Variants in NLGN1 observed in about 807,000 individuals in gnomAD.
NLGN1 encodes neuroligin-1.
NLGN1 carries 12 observed loss-of-function variants against 65.5 expected under a neutral mutation model. The ratio of observed to expected loss-of-function variants is 0.18; its 90% CI spans 0.12 to 0.30. NLGN1 has a LOEUF of 0.30. Ranked by LOEUF, NLGN1 falls within the 10% of genes least tolerant of loss-of-function variation. NLGN1 has a pLI of 1.00. For missense variants in NLGN1, 750 were observed against 1,007.1 expected, an observed-to-expected ratio of 0.74 and a Z score of 3.46; for synonymous variants, 350 against 359.5, an observed-to-expected ratio of 0.97 and a Z score of 0.30.
chr3:174,066,560 CTCTCTG>C (rs1158040785), intron 4 of NLGN1, among the ~76,000 whole-genome samples: 42 of 133,966 alleles, frequency 3.1e-4, no homozygotes, highest in African/African-American at 1.2e-3. Context: ...CTCTCTCTCT[CTCTCTG>C]TGTGTGTGTG....
chr3:173,778,385 G>T (rs9812873), intron 3 of NLGN1, among the ~76,000 whole-genome samples: 5 of 151,816 alleles, frequency 3.3e-5, no homozygotes, highest in Admixed American at 3.3e-4. Context: ...TTTATTAGGC[G>T]ATGGTTTTAG....
chr3:173,996,381 C>T (rs1722285924), intron 4 of NLGN1, among the ~76,000 whole-genome samples: 2 of 152,170 alleles, frequency 1.3e-5, no homozygotes, highest in African/African-American at 4.8e-5. Context: ...CCGACTCACA[C>T]CCAGAGTTTC....
intron 4 of NLGN1, among the ~76,000 whole-genome samples, chr3:174,065,830 C>T (rs966899680): frequency 1.3e-5 from 2 of 152,074 alleles, no homozygotes; most frequent in Non-Finnish European, 2.9e-5. Flanking sequence ...TATGGAGAGG[C>T]CTATAAAGCA....
intron 3 of NLGN1, among the ~76,000 whole-genome samples, chr3:173,700,836 G>C (rs971726292): frequency 1.1e-4 from 17 of 152,080 alleles, no homozygotes; most frequent in African/African-American, 3.4e-4. Flanking sequence ...TCATAAAAGT[G>C]CCAGAAAGGC....
At chr3:173,416,872 A>G (rs960771820) in intron 1 of NLGN1, among the ~76,000 whole-genome samples, 3 of 152,124 alleles carry the variant, frequency 2.0e-5, no homozygotes, top group Non-Finnish European at 2.9e-5. Flanking sequence ...AAACCCAAGT[A>G]TTTATTCTGA....
chr3:173,986,405 G>T (rs1228609129), intron 4 of NLGN1, among the ~76,000 whole-genome samples: 1 of 152,010 alleles, frequency 6.6e-6, no homozygotes, highest in African/African-American at 2.4e-5. Context: ...GGAGGCAGAG[G>T]TTGCAGTGAG....
At chr3:173,707,980 G>T (rs532019911) in intron 3 of NLGN1, among the ~76,000 whole-genome samples, 83 of 152,158 alleles carry the variant, frequency 5.5e-4, no homozygotes, top group Non-Finnish European at 1.0e-3. Context: ...TATCATAAAT[G>T]TATCACCACA....
intron 4 of NLGN1, among the ~76,000 whole-genome samples, chr3:173,887,786 TTA>T (rs763369304): frequency 9.7e-4 from 148 of 152,134 alleles, no homozygotes; most frequent in Non-Finnish European, 1.0e-3. Flanking sequence ...AGCATTATCA[TTA>T]TTTTAATAAC....
At chr3:174,170,299 T>C (rs1728281257) in intron 4 of NLGN1, among the ~76,000 whole-genome samples, 1 of 152,130 alleles carries the variant, frequency 6.6e-6, no homozygotes, top group Non-Finnish European at 1.5e-5. Flanking sequence ...GATAACACTT[T>C]AAAAAAATTC....
rs1005585189 is a variant in NLGN1, at chr3:174,109,172, T to G, written c.647-166143T>G. 9.3e-4 allele frequency among the ~76,000 whole-genome samples: 142 copies of G among 152,146 alleles called. 1 individual carries two copies. The highest frequency in any genetic ancestry group is 9.2e-3 in the Admixed American group (141 of 15,244). ...AAAGAGAAAAATGAAAAACAATTAA[T>G]AGTATAATGCAATCTAAAACAAGTG... On this transcript the variant is annotated intron_variant, in intron 4 of 6. Transcript: ENST00000457714.
At chr3:173,629,590 CAATAGGTCATAA>C (rs2149534458) in intron 3 of NLGN1, among the ~76,000 whole-genome samples, 1 of 152,126 alleles carries the variant, frequency 6.6e-6, no homozygotes. Flanking sequence ...ATCTAGGTAA[CAATAGGTCATAA>C]AATATCCAGT....
chr3:173,459,973 G>T (rs1018487767), intron 2 of NLGN1, among the ~76,000 whole-genome samples: 3 of 151,928 alleles, frequency 2.0e-5, no homozygotes, highest in Non-Finnish European at 4.4e-5. Flanking sequence ...TAGCATATGT[G>T]AATGAAAATT....
chr3:174,003,660 G>A (rs1454504420), intron 4 of NLGN1, among the ~76,000 whole-genome samples: 9 of 151,784 alleles, frequency 5.9e-5, no homozygotes, highest in South Asian at 2.1e-4. Context: ...TGTATATTTC[G>A]GTGTACAAAT....
intron 3 of NLGN1, among the ~76,000 whole-genome samples, chr3:173,649,015 A>G (rs1300138915): frequency 6.6e-6 from 1 of 152,212 alleles, no homozygotes; most frequent in African/African-American, 2.4e-5. Context: ...CTAAATATTC[A>G]TCAGCAGATG....
intron 3 of NLGN1, among the ~76,000 whole-genome samples, chr3:173,792,267 A>G (rs1267824298): frequency 6.6e-6 from 1 of 152,126 alleles, no homozygotes; most frequent in South Asian, 2.1e-4. Context: ...ACCCACTCAG[A>G]AAACAGGATC....
chr3:173,567,470 A>G (rs910904241), intron 2 of NLGN1, among the ~76,000 whole-genome samples: 2 of 151,992 alleles, frequency 1.3e-5, no homozygotes, highest in South Asian at 2.1e-4. Context: ...ACTCATTCAA[A>G]AAATAACGTT....
chr3:173,947,394 T>C (rs969124206), intron 4 of NLGN1, among the ~76,000 whole-genome samples: 2 of 152,156 alleles, frequency 1.3e-5, no homozygotes, highest in African/African-American at 4.8e-5. Flanking sequence ...AACATCTCCA[T>C]AGTACTTACT....
At chr3:173,646,939 C>CT (rs1399752307) in intron 3 of NLGN1, among the ~76,000 whole-genome samples, 1 of 151,816 alleles carries the variant, frequency 6.6e-6, no homozygotes, top group Non-Finnish European at 1.5e-5. Context: ...TTTTTGCTGT[C>CT]TAAAAGAAAT....
chr3:173,705,342 A>G (rs1332540248), intron 3 of NLGN1, among the ~76,000 whole-genome samples: 1 of 152,144 alleles, frequency 6.6e-6, no homozygotes, highest in Admixed American at 6.5e-5. Context: ...ATAGGAACCA[A>G]TGGTACTGAG....
Sources: allele counts gnomAD v4.1 joint callset (sites outside exome capture counted in the v4.1 genomes callset), GRCh38; gene constraint gnomAD v4.1.1; transcripts MANE v1.5; gene names NCBI Gene and HGNC (gene_info 2026-07-23, HGNC 2026-07-21).